The following PHKB variants were observed in gnomAD, a reference collection of about 807,000 sequenced individuals.
The protein encoded by PHKB is phosphorylase b kinase regulatory subunit beta.
Under a neutral mutation model 152.1 loss-of-function variants are expected in PHKB, and 122 were observed. That is an observed-to-expected ratio of 0.80 (90% confidence interval 0.69 to 0.93). The LOEUF is 0.93. PHKB is among the 40% of genes least tolerant of loss of function. The pLI, the probability that PHKB is intolerant of heterozygous loss-of-function variation, is 0.00. For missense variants in PHKB, 1,304 were observed against 1,328.4 expected (o/e 0.98, Z 0.29); for synonymous variants, 436 against 464.9 (o/e 0.94, Z 0.80).
intron 6 of PHKB, among the ~76,000 whole-genome samples, chr16:47,547,210 C>T (rs1340108968): frequency 5.9e-5 from 9 of 151,974 alleles, no homozygotes; most frequent in South Asian, 4.2e-4. Flanking sequence ...AGCTGAAGAC[C>T]GGAGCTGTTC....
intron 22 of PHKB, 77 bp downstream of exon 22, chr16:47,660,896 T>A (rs1239853938): frequency 1.4e-6 from 2 of 1,429,574 alleles, no homozygotes; most frequent in Non-Finnish European, 9.9e-7. Context: ...ACCATATGTC[T>A]TTTTGTCCTG....
intron 14 of PHKB, among the ~76,000 whole-genome samples, chr16:47,631,320 G>T (rs760191316): frequency 6.6e-6 from 1 of 152,088 alleles, no homozygotes; most frequent in South Asian, 2.1e-4. Flanking sequence ...TAAACCGCTC[G>T]TCACCTCAGT....
intron 26 of PHKB, among the ~76,000 whole-genome samples, chr16:47,677,380 G>C (rs1973751721): frequency 1.3e-5 from 2 of 152,200 alleles, no homozygotes; most frequent in Non-Finnish European, 2.9e-5. Flanking sequence ...TGGTGTATCA[G>C]CTCTGGCTTC....
chr16:47,628,769 A>G (rs1343638705), intron 14 of PHKB, among the ~76,000 whole-genome samples: 1 of 152,180 alleles, frequency 6.6e-6, no homozygotes, highest in Non-Finnish European at 1.5e-5. Context: ...CTGACTTCAA[A>G]CTATACTGCA....
intron 6 of PHKB, among the ~76,000 whole-genome samples, chr16:47,523,201 A>G (rs527289867): frequency 2.0e-5 from 3 of 152,238 alleles, no homozygotes; most frequent in East Asian, 3.9e-4. Flanking sequence ...GTTTCTTTGC[A>G]TGTCTCATCT....
chr16:47,498,045 A>G (rs1396704151), intron 2 of PHKB, among the ~76,000 whole-genome samples: 1 of 152,188 alleles, frequency 6.6e-6, no homozygotes, highest in African/African-American at 2.4e-5. Flanking sequence ...TTGTCAGACC[A>G]TCTATTAGAA....
intron 1 of PHKB, among the ~76,000 whole-genome samples, chr16:47,496,607 T>G (rs1474358493): frequency 6.6e-6 from 1 of 152,258 alleles, no homozygotes; most frequent in Non-Finnish European, 1.5e-5. Flanking sequence ...AATTTCTGAT[T>G]GCTTTTAACA....
intron 26 of PHKB, among the ~76,000 whole-genome samples, chr16:47,678,377 G>C (rs1973776975): frequency 6.6e-6 from 1 of 152,208 alleles, no homozygotes; most frequent in Admixed American, 6.5e-5. Context: ...CTAGTTCAGA[G>C]TCCCACCAAC....
intron 6 of PHKB, among the ~76,000 whole-genome samples, chr16:47,541,221 G>T (rs970620224): frequency 6.6e-6 from 1 of 151,820 alleles, no homozygotes; most frequent in African/African-American, 2.4e-5. Flanking sequence ...TGTTCAATTC[G>T]CACCTATGAG....
chr16:47,582,282 C>T (rs961345381), intron 8 of PHKB, among the ~76,000 whole-genome samples: 2 of 152,188 alleles, frequency 1.3e-5, no homozygotes, highest in African/African-American at 4.8e-5. Context: ...ATGTTGCTTA[C>T]ATACCTGTAT....
At chr16:47,664,750 G>A (rs1973507390) in intron 24 of PHKB, 135 bp from the exon 25 acceptor site, 3 of 704,476 alleles carry the variant, frequency 4.3e-6, no homozygotes, top group East Asian at 5.4e-5. Flanking sequence ...CTTGCTTTAT[G>A]TATTACACTT....
intron 23 of PHKB, among the ~76,000 whole-genome samples, chr16:47,662,159 G>T (rs1411318885): frequency 6.6e-6 from 1 of 152,140 alleles, no homozygotes; most frequent in Non-Finnish European, 1.5e-5. Context: ...ACATTGAATT[G>T]TTATGTCTAT....
chr16:47,607,435 A>G (rs1287390238), intron 13 of PHKB, among the ~76,000 whole-genome samples: 1 of 152,182 alleles, frequency 6.6e-6, no homozygotes, highest in African/African-American at 2.4e-5. Flanking sequence ...GAAACTGATA[A>G]TGGACCTTTG....
At chr16:47,536,785 A>G (rs1200655342) in intron 6 of PHKB, among the ~76,000 whole-genome samples, 1 of 152,224 alleles carries the variant, frequency 6.6e-6, no homozygotes, top group African/African-American at 2.4e-5. Context: ...GAGATGGTAG[A>G]CCTGTGTACT....
chr16:47,477,315 T>TA (rs1969885318), intron 1 of PHKB, among the ~76,000 whole-genome samples: 1 of 152,188 alleles, frequency 6.6e-6, no homozygotes, highest in Non-Finnish European at 1.5e-5. Context: ...GTTGCAGCTT[T>TA]GTATAGCCCC....
At chr16:47,673,807 A>G (rs776927837) in intron 26 of PHKB, among the ~76,000 whole-genome samples, 2 of 152,184 alleles carry the variant, frequency 1.3e-5, no homozygotes, top group Non-Finnish European at 2.9e-5. Flanking sequence ...TTCTTCACAT[A>G]TATTATCTGT....
intron 1 of PHKB, among the ~76,000 whole-genome samples, chr16:47,482,781 A>G (rs2151634476): frequency 6.6e-6 from 1 of 151,696 alleles, no homozygotes; most frequent in East Asian, 2.0e-4. Flanking sequence ...GTGCAGTGGC[A>G]GTGATCTCCG....
intron 12 of PHKB, among the ~76,000 whole-genome samples, chr16:47,595,395 A>G (rs149534055): frequency 7.9e-4 from 121 of 152,316 alleles, no homozygotes; most frequent in African/African-American, 2.6e-3. Context: ...CTAATATTGC[A>G]AAAAGTCTCC....
chr16:47,676,284 T>C (rs1193672258), intron 26 of PHKB: 3 of 152,248 alleles, frequency 2.0e-5, no homozygotes, highest in African/African-American at 7.2e-5. Flanking sequence ...AGGGGATTTA[T>C]AGAATGTATT....
Sources: gnomAD v4.1 joint callset for allele counts (sites outside exome capture counted in the v4.1 genomes callset) on GRCh38, gnomAD v4.1.1 for gene constraint, MANE v1.5 for transcripts, NCBI Gene and HGNC (gene_info 2026-07-23, HGNC 2026-07-21) for gene names.